The following IKZF3 variants were observed in gnomAD, a reference collection of about 807,000 sequenced individuals.
The protein encoded by IKZF3 is IKAROS family zinc finger 3.
IKZF3 carries 10 observed loss-of-function variants against 49.0 expected under a neutral mutation model. The observed-to-expected ratio is 0.20, with a 90% CI of 0.13 to 0.35. The LOEUF is 0.35. Among genes scored for constraint, IKZF3 ranks in the 10% least tolerant of loss-of-function variants. IKZF3 has a pLI of 1.00. For synonymous variants in IKZF3, 209 were observed against 228.2 expected (o/e 0.92, Z 0.76); for missense variants, 498 against 664.8 (o/e 0.75, Z 2.76).
At position 39,766,225 on chromosome 17, in the gene IKZF3, G is replaced by C. The variant is rs760301170; in HGVS notation, c.1095C>G (p.His365Gln). Residue 365 changes from histidine (H) to glutamine (Q), a missense_variant, in exon 8 of 8, where the codon CAC becomes CAG. His to Gln is a conservative substitution (Grantham distance 24, BLOSUM62 0). Around this residue, in one of 3 missense-constraint regions of IKZF3, gnomAD observed 317 missense variants for 397.3 expected, o/e 0.80. Coordinates refer to ENST00000346872, the MANE Select transcript of IKZF3 (RefSeq NM_012481.5). The stretch of plus-strand genomic sequence containing the variant: ...CAGAAGGCACGCTCTTCTCTGGAAG[G>C]TGGATGCTTTTCTTTTCCAGCTCTT... ...APQELEKKSIHLPEKSVPSER... is the reference protein window; with the variant it reads ...APQELEKKSIQLPEKSVPSER... 5 of 1,614,192 alleles carry C rather than the reference G, an allele frequency of 3.1e-6. No individual in the cohort carries two copies. The South Asian group carries it at 5.5e-5, about 18-fold the overall frequency.
Position 39,765,365 on chromosome 17 carries a change from G to A in IKZF3, c.*425C>T, listed in dbSNP as rs529349825. On this transcript the variant is annotated 3_prime_UTR_variant, in exon 8 of 8. Coordinates refer to ENST00000346872, the MANE Select transcript of IKZF3 (RefSeq NM_012481.5). ...CCTTCAGCCTGTGAAGGGCAGAAGGGTGAGGCTTCCCAGCAAGGTCAGCTG... is the reference window on the plus strand; with the variant it reads ...CCTTCAGCCTGTGAAGGGCAGAAGGATGAGGCTTCCCAGCAAGGTCAGCTG... 1.8e-5 allele frequency: 3 copies of A among 162,586 alleles called. No homozygotes were observed. The East Asian group carries it at 5.2e-4, about 28-fold the overall frequency. The allele number at this position is 162,586 out of a possible 1,614,324, so 10.1% of individuals were successfully genotyped here.
intron 3 of IKZF3, among the ~76,000 whole-genome samples, chr17:39,808,389 A>G (rs1443424287): frequency 1.3e-5 from 2 of 152,188 alleles, no homozygotes; most frequent in Admixed American, 6.5e-5. Flanking sequence ...CATTTCCCAT[A>G]CTTAGTTATT....
At position 39,759,284 on chromosome 17, in the gene IKZF3, C is replaced by T. The variant is rs1308497931; in HGVS notation, c.*6506G>A. 6.6e-6 allele frequency: 1 copy of T among 152,020 alleles called. No homozygotes were observed. Among genetic ancestry groups the T allele is most frequent in the African/African-American group, 2.4e-5 (1 of 41,384 alleles). The allele number at this position is 152,020 out of a possible 1,614,324, so 9.4% of individuals were successfully genotyped here. A position where few individuals can be genotyped will look rare whatever the true frequency, so the allele number is the denominator to read the frequency against. Reference sequence around the variant, plus strand: ...TACAAAAATTAGCTGGGTGTGGTGACCCACGCCTGTAGTCTCAGCTAGTTG... The same window carrying T: ...TACAAAAATTAGCTGGGTGTGGTGATCCACGCCTGTAGTCTCAGCTAGTTG... On this transcript the variant is annotated 3_prime_UTR_variant, in exon 8 of 8. Transcript: ENST00000346872.
Position 39,759,019 on chromosome 17 carries a change from G to T in IKZF3, c.*6771C>A, listed in dbSNP as rs2060121627. On this transcript the variant is annotated 3_prime_UTR_variant, in exon 8 of 8. Transcript: ENST00000346872. ...ACAACATCCTTGGAAGGTAGATATT[G>T]TTATATCCTTACAAAAATTTAATAC... The T allele has an allele frequency of 6.6e-6, 1 of 151,504 alleles. No individual in the cohort carries two copies. The highest frequency in any genetic ancestry group is 1.5e-5 in the Non-Finnish European group (1 of 67,936). 9.4% of individuals were successfully genotyped at this position (151,504 alleles called of 1,614,324 possible).
rs1490299612 is a variant in IKZF3, at chr17:39,758,278, C to A, written c.*7512G>T. 1.3e-5 allele frequency: 2 copies of A among 152,322 alleles called. No homozygotes were observed. Among genetic ancestry groups the A allele is most frequent in the Admixed American group, 1.3e-4 (2 of 15,298 alleles). 9.4% of individuals were successfully genotyped at this position (152,322 alleles called of 1,614,324 possible). On this transcript the variant is annotated 3_prime_UTR_variant, in exon 8 of 8. Transcript: ENST00000346872. ...AAGGGATGTCTGCTTTGTAAATGAC[C>A]TGCTAATTCTTTGCAACCCACAGTA...
intron 3 of IKZF3, among the ~76,000 whole-genome samples, chr17:39,794,532 A>G (rs2061114648): frequency 6.6e-6 from 1 of 152,202 alleles, no homozygotes; most frequent in Admixed American, 6.5e-5. Flanking sequence ...TAATAGAGCA[A>G]GACAGGGCCT....
intron 5 of IKZF3, among the ~76,000 whole-genome samples, chr17:39,790,737 G>A (rs1049900972): frequency 2.0e-5 from 3 of 151,950 alleles, no homozygotes; most frequent in African/African-American, 2.4e-5. Context: ...AATCTTTACC[G>A]TTGTTCAATC....
rs913410812 is a variant in IKZF3 at position 39,758,366 on chromosome 17, A to C, written c.*7424T>G. 2 of 152,158 alleles carry C rather than the reference A, an allele frequency of 1.3e-5. No homozygotes were observed. Among genetic ancestry groups the C allele is most frequent in the Non-Finnish European group, 2.9e-5 (2 of 68,028 alleles). The allele number at this position is 152,158 out of a possible 1,614,324, so 9.4% of individuals were successfully genotyped here. On this transcript the variant is annotated 3_prime_UTR_variant, in exon 8 of 8. Transcript: ENST00000346872. ...AAAAGGGCCTTGTCTGCTAGCCTGG[A>C]GTATACATGAGTCACTGGCGGTGGG...
intron 3 of IKZF3, among the ~76,000 whole-genome samples, chr17:39,807,782 C>A (rs2061466857): frequency 1.3e-5 from 2 of 151,918 alleles, no homozygotes; most frequent in African/African-American, 4.8e-5. Context: ...AAGCCAGAAA[C>A]AAAATATTAC....
chr17:39,791,229 ACT>A (rs1160591526), intron 5 of IKZF3, among the ~76,000 whole-genome samples, 185 bp downstream of exon 5: 1 of 152,150 alleles, frequency 6.6e-6, no homozygotes, highest in African/African-American at 2.4e-5. Flanking sequence ...GATCATCTCC[ACT>A]GAGGCAGACG....
chr17:39,832,240 G>A (rs974101316), intron 1 of IKZF3, 89 bp from the exon 2 acceptor site: 15 of 872,728 alleles, frequency 1.7e-5, no homozygotes, highest in Non-Finnish European at 2.2e-5. Context: ...ATACCATTTC[G>A]GAAAACTTAA....
At chr17:39,776,818 A>G (rs2060601940) in intron 7 of IKZF3, among the ~76,000 whole-genome samples, 1 of 152,260 alleles carries the variant, frequency 6.6e-6, no homozygotes, top group African/African-American at 2.4e-5. Context: ...GCTTTGGAAA[A>G]AGAGGCTGAG....
At chr17:39,791,085 T>A (rs929402276) in intron 5 of IKZF3, among the ~76,000 whole-genome samples, 13 of 151,268 alleles carry the variant, frequency 8.6e-5, no homozygotes, top group Non-Finnish European at 3.0e-5. Context: ...AAAATAATCT[T>A]CTAATAAAGT....
chr17:39,823,068 T>C (rs2061853850), intron 3 of IKZF3, among the ~76,000 whole-genome samples: 1 of 152,132 alleles, frequency 6.6e-6, no homozygotes, highest in African/African-American at 2.4e-5. Context: ...TGGAACTTCC[T>C]AGAGACTTGG....
At chr17:39,813,601 G>A (rs1360542207) in intron 3 of IKZF3, among the ~76,000 whole-genome samples, 1 of 150,780 alleles carries the variant, frequency 6.6e-6, no homozygotes, top group East Asian at 2.0e-4. Flanking sequence ...CCGAGATCGT[G>A]CCACTGCACT....
At position 39,763,358 on chromosome 17, in the gene IKZF3, C is replaced by G. The variant is rs2060221666; in HGVS notation, c.*2432G>C. ...GCATAAGCCCCTTAGAAATAAAACA[C>G]TAATCTACCAGGAATTTGGGATTCT... On this transcript the variant is annotated 3_prime_UTR_variant, in exon 8 of 8. Coordinates refer to ENST00000346872, the MANE Select transcript of IKZF3 (RefSeq NM_012481.5). The G allele has an allele frequency of 6.6e-6, 1 of 152,144 alleles. No individual in the cohort carries two copies. Among genetic ancestry groups the G allele is most frequent in the African/African-American group, 2.4e-5 (1 of 41,422 alleles). 9.4% of individuals were successfully genotyped at this position (152,144 alleles called of 1,614,324 possible).
intron 7 of IKZF3, among the ~76,000 whole-genome samples, chr17:39,769,858 T>C (rs1044233352): frequency 2.0e-5 from 3 of 152,206 alleles, no homozygotes; most frequent in Non-Finnish European, 4.4e-5. Flanking sequence ...TCACAATCTA[T>C]ACCACCTGCA....
chr17:39,773,199 A>C (rs1432875315), intron 7 of IKZF3, among the ~76,000 whole-genome samples: 1 of 152,098 alleles, frequency 6.6e-6, no homozygotes, highest in Non-Finnish European at 1.5e-5. Context: ...CCTCCTGGGG[A>C]AGGAAGGGCC....
At chr17:39,812,651 G>C (rs557424345) in intron 3 of IKZF3, among the ~76,000 whole-genome samples, 1 of 152,166 alleles carries the variant, frequency 6.6e-6, no homozygotes, top group Non-Finnish European at 1.5e-5. Flanking sequence ...ACAATGGCTC[G>C]GGTCACCGTG....
Sources: gnomAD v4.1 joint callset for allele counts (sites outside exome capture counted in the v4.1 genomes callset) on GRCh38, gnomAD v4.1.1 for gene constraint, gnomAD v4.1.1 regional missense constraint, MANE v1.5 for transcripts, NCBI Gene and HGNC (gene_info 2026-07-23, HGNC 2026-07-21) for gene names.